Variants in DIAPH1 observed in about 807,000 individuals in gnomAD.
DIAPH1 encodes protein diaphanous homolog 1.
DIAPH1 carries 46 observed loss-of-function variants against 140.7 expected under a neutral mutation model. That is an observed-to-expected ratio of 0.33 (90% CI 0.26 to 0.42). DIAPH1 has a LOEUF of 0.42. Ranked by LOEUF, DIAPH1 falls within the 10% of genes least tolerant of loss-of-function variation. DIAPH1 has a pLI of 1.00. For synonymous variants in DIAPH1, 565 were observed against 551.6 expected (o/e 1.02, Z -0.34); for missense variants, 1,310 against 1,558.7 (o/e 0.84, Z 2.69).
chr5:141,536,256 G>A (rs1027959408), intron 18 of DIAPH1, among the ~76,000 whole-genome samples: 12 of 152,084 alleles, frequency 7.9e-5, no homozygotes, highest in African/African-American at 2.9e-4. Flanking sequence ...GAGCTGTGAT[G>A]GTGCCACTGC....
At position 141,529,575 on chromosome 5, in the gene DIAPH1, G is replaced by A. The variant is rs759944085; in HGVS notation, c.2676+28C>T. ...AGTGCCCAGCGACACAGAAGAGCCT[G>A]CTCCAGCAGAACCACCTTACTCCTT... On this transcript the variant is annotated intron_variant, in intron 20 of 27. Coordinates refer to ENST00000389054, the MANE Select transcript of DIAPH1 (RefSeq NM_005219.5). 95 of 1,570,136 alleles carry A rather than the reference G, an allele frequency of 6.1e-5. No homozygotes were observed. In the Admixed American group the frequency reaches 1.6e-3, roughly 26 times the overall value.
intron 18 of DIAPH1, chr5:141,536,148 A>G: frequency 2.6e-6 from 1 of 381,758 alleles, no homozygotes. Context: ...AAAAAAGTTC[A>G]AAAATTAGCC....
chr5:141,583,467 C>G lies in DIAPH1; in HGVS notation c.533+18G>C. ...CAACATTTGGCTCCTACTCCTGTTA[C>G]CTCCTCAGAATCCTCACCTGACAGG... On this transcript the variant is annotated intron_variant, in intron 5 of 27. Transcript: ENST00000389054. 6.2e-7 allele frequency: 1 copy of G among 1,614,208 alleles called. No homozygotes were observed. The highest frequency in any genetic ancestry group is 8.5e-7 in the Non-Finnish European group (1 of 1,180,042).
chr5:141,528,317 A>G, intron 23 of DIAPH1, 136 bp downstream of exon 23: 1 of 1,245,006 alleles, frequency 8.0e-7, no homozygotes, highest in Non-Finnish European at 1.2e-6. Context: ...CTTGTGACTT[A>G]GGCACCATGC....
At position 141,599,099 on chromosome 5, in the gene DIAPH1, G is replaced by A. The variant is rs570577477; in HGVS notation, c.118-10849C>T. On this transcript the variant is annotated intron_variant, in intron 1 of 27. Coordinates refer to ENST00000389054, the MANE Select transcript of DIAPH1 (RefSeq NM_005219.5). ...CAACTAAGCATGGTCTCTTGGCACA[G>A]GATGCTCATGTAGCCAAGCAAAAGG... Among the ~76,000 whole-genome samples the A allele has an allele frequency of 5.3e-5, 8 of 152,278 alleles. No individual in the cohort carries two copies. In the South Asian group the frequency reaches 1.7e-3, roughly 32 times the overall value.
chr5:141,596,483 A>G (rs1562340909), intron 1 of DIAPH1, among the ~76,000 whole-genome samples: 2 of 152,058 alleles, frequency 1.3e-5, no homozygotes. Flanking sequence ...AGACAATCTC[A>G]AAATAAATAA....
chr5:141,560,553 G>A (rs1000888465), intron 18 of DIAPH1: 1 of 164,742 alleles, frequency 6.1e-6, no homozygotes, highest in African/African-American at 2.4e-5. Flanking sequence ...AATAATAGTT[G>A]ATAATCCCCT....
intron 4 of DIAPH1, 84 bp from the exon 5 acceptor site, chr5:141,583,699 T>A: frequency 6.4e-7 from 1 of 1,553,902 alleles, no homozygotes; most frequent in Non-Finnish European, 8.9e-7. Context: ...GAGTTTATAC[T>A]TTATTTTTAT....
chr5:141,531,615 G>A (rs1379621246), intron 19 of DIAPH1, among the ~76,000 whole-genome samples: 1 of 152,138 alleles, frequency 6.6e-6, no homozygotes, highest in African/African-American at 2.4e-5. Flanking sequence ...AGCCCCATGA[G>A]TAGCTGGGAT....
At chr5:141,612,283 A>C (rs1001237957) in intron 1 of DIAPH1, among the ~76,000 whole-genome samples, 1 of 152,204 alleles carries the variant, frequency 6.6e-6, no homozygotes, top group Non-Finnish European at 1.5e-5. Flanking sequence ...CTACCAAATG[A>C]CCCAGTCATT....
At chr5:141,584,760 T>C (rs2099897276) in intron 3 of DIAPH1, among the ~76,000 whole-genome samples, 1 of 152,190 alleles carries the variant, frequency 6.6e-6, no homozygotes, top group African/African-American at 2.4e-5. Context: ...CTGATGTATG[T>C]TTGGGGAAAG....
chr5:141,602,816 A>G (rs2099900368), intron 1 of DIAPH1, among the ~76,000 whole-genome samples: 1 of 152,214 alleles, frequency 6.6e-6, no homozygotes, highest in Non-Finnish European at 1.5e-5. Context: ...AAATGCACAG[A>G]AGAACTTTCC....
intron 18 of DIAPH1, among the ~76,000 whole-genome samples, chr5:141,571,072 T>C (rs1241554759): frequency 6.6e-6 from 1 of 152,212 alleles, no homozygotes; most frequent in Non-Finnish European, 1.5e-5. Flanking sequence ...CCTGCCTGTC[T>C]CATAAGGCTT....
chr5:141,573,467 T>C (rs372424237), intron 16 of DIAPH1, 25 bp downstream of exon 16: 6 of 1,379,210 alleles, frequency 4.4e-6, no homozygotes, highest in Non-Finnish European at 6.0e-6. Flanking sequence ...GATTGACTGG[T>C]GAAGAAATAG....
At chr5:141,589,770 C>A (rs916534432) in intron 1 of DIAPH1, among the ~76,000 whole-genome samples, 2 of 152,004 alleles carry the variant, frequency 1.3e-5, no homozygotes, top group Admixed American at 6.5e-5. Flanking sequence ...TTTACATTCT[C>A]TTCTGTATAC....
In DIAPH1 at chr5:141,525,648, A is replaced by C. The variant is rs559271377; in HGVS notation, c.3574+390T>G. 3.2e-4 allele frequency among the ~76,000 whole-genome samples: 49 copies of C among 152,316 alleles called. No homozygotes were observed. The South Asian group carries it at 7.7e-3, about 24-fold the overall frequency. On this transcript the variant is annotated intron_variant, in intron 26 of 27. Coordinates refer to ENST00000389054, the MANE Select transcript of DIAPH1 (RefSeq NM_005219.5). ...AATAAGCAGAAAGGGAAGACACGCC[A>C]CAATTAAAAGATGGGAGGAGCGTCA...
At chr5:141,531,628 T>C (rs1285928381) in intron 19 of DIAPH1, among the ~76,000 whole-genome samples, 1 of 152,066 alleles carries the variant, frequency 6.6e-6, no homozygotes, top group Non-Finnish European at 1.5e-5. Flanking sequence ...GCTGGGATTA[T>C]AGGCGTGCTC....
At chr5:141,596,925 A>G (rs2099899411) in intron 1 of DIAPH1, among the ~76,000 whole-genome samples, 1 of 152,246 alleles carries the variant, frequency 6.6e-6, no homozygotes, top group South Asian at 2.1e-4. Context: ...TCTAAAAATC[A>G]TTAATATCCA....
intron 18 of DIAPH1, among the ~76,000 whole-genome samples, chr5:141,566,501 A>C (rs1562314654): frequency 6.6e-6 from 1 of 152,230 alleles, no homozygotes; most frequent in Non-Finnish European, 1.5e-5. Flanking sequence ...GTTTCCTTTT[A>C]GTAAAGAGGC....
Sources: gnomAD v4.1 joint callset for allele counts (sites outside exome capture counted in the v4.1 genomes callset) on GRCh38, gnomAD v4.1.1 for gene constraint, MANE v1.5 for transcripts, NCBI Gene and HGNC (gene_info 2026-07-23, HGNC 2026-07-21) for gene names.